HPSE2: variants seen among roughly 807,000 people sequenced by gnomAD.
The protein encoded by HPSE2 is inactive heparanase-2.
A neutral mutation model predicts 60.5 loss-of-function variants in HPSE2; 38 were observed. The ratio of observed to expected loss-of-function variants is 0.63; its 90% CI spans 0.48 to 0.82. The LOEUF is 0.82. Ranked by LOEUF, HPSE2 falls within the 40% of genes least tolerant of loss-of-function variation. The pLI is 0.00. For missense variants in HPSE2, 713 were observed against 740.4 expected (o/e 0.96, Z 0.43); for synonymous variants, 295 against 293.2 (o/e 1.01, Z -0.06).
chr10:98,844,922 C>T (rs1247507050), intron 3 of HPSE2, among the ~76,000 whole-genome samples: 4 of 152,166 alleles, frequency 2.6e-5, no homozygotes, highest in Non-Finnish European at 5.9e-5. Context: ...CAAGTGCGCT[C>T]TTCCATTAGC....
chr10:98,596,302 C>A (rs576302844), intron 9 of HPSE2, among the ~76,000 whole-genome samples: 1 of 151,086 alleles, frequency 6.6e-6, no homozygotes, highest in South Asian at 2.1e-4. Context: ...TGTGTATCCC[C>A]TAACAAATTA....
chr10:98,780,751 T>A (rs1280280152), intron 3 of HPSE2, among the ~76,000 whole-genome samples: 1 of 152,020 alleles, frequency 6.6e-6, no homozygotes, highest in African/African-American at 2.4e-5. Context: ...AATAAATAGA[T>A]CTTAAAACAG....
rs898269357 is a variant in HPSE2 at position 98,780,185 on chromosome 10, T to G, written c.611-36129A>C. Among the ~76,000 whole-genome samples the G allele has an allele frequency of 2.0e-4, 31 of 152,254 alleles. 1 individual carries two copies. The highest frequency in any genetic ancestry group is 7.2e-4 in the Admixed American group (11 of 15,278). On this transcript the variant is annotated intron_variant, in intron 3 of 11. Coordinates refer to ENST00000370552, the MANE Select transcript of HPSE2 (RefSeq NM_021828.5). ...CAAAGTGCTCAGAAAGCAGGTGATG[T>G]CTTCTTTCTGGTAAATTATGGGCAG... is the stretch of plus-strand genomic sequence containing the variant.
At chr10:98,906,870 C>T (rs1007753962) in intron 3 of HPSE2, among the ~76,000 whole-genome samples, 2 of 150,946 alleles carry the variant, frequency 1.3e-5, no homozygotes, top group African/African-American at 4.9e-5. Context: ...TGCCACTGCA[C>T]TCCAGCCTGG....
chr10:99,137,196 A>G (rs1225638045), intron 3 of HPSE2, among the ~76,000 whole-genome samples: 3 of 152,234 alleles, frequency 2.0e-5, no homozygotes, highest in Non-Finnish European at 2.9e-5. Context: ...GATGTGAAGT[A>G]CCTCTTCAAG....
intron 3 of HPSE2, among the ~76,000 whole-genome samples, chr10:98,773,114 A>G (rs550871124): frequency 1.3e-5 from 2 of 152,344 alleles, no homozygotes; most frequent in South Asian, 2.1e-4. Context: ...GCCTCCAACC[A>G]GCAGTCAAGG....
At chr10:99,252,240 C>G in the HPSE2 span, among the ~76,000 whole-genome samples, 7 of 151,988 alleles carry the variant, frequency 4.6e-5, no homozygotes, top group Non-Finnish European at 8.8e-5. Flanking sequence ...GGAAACATTC[C>G]CCTTGAGAAC....
chr10:98,753,411 G>T (rs181910813), intron 3 of HPSE2, among the ~76,000 whole-genome samples: 1 of 152,096 alleles, frequency 6.6e-6, no homozygotes, highest in Admixed American at 6.6e-5. Context: ...ATATCCAGAA[G>T]AACTGACAGT....
At chr10:98,795,663 G>A (rs1482850056) in intron 3 of HPSE2, among the ~76,000 whole-genome samples, 1 of 152,222 alleles carries the variant, frequency 6.6e-6, no homozygotes, top group East Asian at 1.9e-4. Context: ...AGTAGACTCA[G>A]GTGACATGTT....
chr10:99,053,013 T>G (rs1007165602), intron 3 of HPSE2, among the ~76,000 whole-genome samples: 1 of 145,598 alleles, frequency 6.9e-6, no homozygotes, highest in Admixed American at 7.1e-5. Context: ...TAACAGATGG[T>G]ATTTTCCATC....
intron 2 of HPSE2, among the ~76,000 whole-genome samples, chr10:99,229,750 T>C (rs1223229905): frequency 2.6e-5 from 4 of 152,206 alleles, no homozygotes; most frequent in African/African-American, 4.8e-5. Flanking sequence ...AAAATGTATG[T>C]TGTTATTCTG....
At chr10:99,260,213 C>G in the HPSE2 span, among the ~76,000 whole-genome samples, 1 of 150,064 alleles carries the variant, frequency 6.7e-6, no homozygotes, top group Non-Finnish European at 1.5e-5. Flanking sequence ...ACAGCAATCT[C>G]AAATATAGCA....
At chr10:98,885,545 T>C (rs910068041) in intron 3 of HPSE2, among the ~76,000 whole-genome samples, 1 of 152,056 alleles carries the variant, frequency 6.6e-6, no homozygotes, top group African/African-American at 2.4e-5. Flanking sequence ...TCTTAAGAAA[T>C]TGCCACAGCC....
At chr10:98,892,025 C>T (rs1774567056) in intron 3 of HPSE2, among the ~76,000 whole-genome samples, 1 of 152,162 alleles carries the variant, frequency 6.6e-6, no homozygotes, top group South Asian at 2.1e-4. Flanking sequence ...CCCACCTCAG[C>T]CTCCTAAAGT....
Position 98,597,970 on chromosome 10 carries a change from CAAAAAAAAAAAA to C in HPSE2, c.1320+16922_1320+16933del, listed in dbSNP as rs571184082. 1.2e-3 allele frequency among the ~76,000 whole-genome samples: 64 copies of C among 55,150 alleles called. 3 individuals are homozygous for C. Among genetic ancestry groups the C allele is most frequent in the Middle Eastern group, 0.016 (2 of 126 alleles). The allele number at this position is 55,150 out of a possible 152,430, so 36.2% of individuals were successfully genotyped here. ...TGGGTGACAGAGTGAGACTCCATCT[CAAAAAAAAAAAA>C]AAAAAAAAAAAAAAAATTGCTCTTT... On this transcript the variant is annotated intron_variant, in intron 9 of 11. Coordinates refer to ENST00000370552, the MANE Select transcript of HPSE2 (RefSeq NM_021828.5).
At chr10:98,864,889 A>G (rs1011327850) in intron 3 of HPSE2, among the ~76,000 whole-genome samples, 2 of 152,162 alleles carry the variant, frequency 1.3e-5, no homozygotes, top group Non-Finnish European at 2.9e-5. Context: ...AAGTCCAAGT[A>G]ATTTAAAGAA....
the HPSE2 span, among the ~76,000 whole-genome samples, chr10:99,243,650 T>A: frequency 2.7e-3 from 415 of 152,294 alleles, 5 homozygotes; most frequent in African/African-American, 9.4e-3. Context: ...TATATTTATC[T>A]CAATACATTT....
intron 6 of HPSE2, among the ~76,000 whole-genome samples, chr10:98,676,239 A>G (rs1422775744): frequency 6.6e-6 from 1 of 152,126 alleles, no homozygotes; most frequent in Admixed American, 6.6e-5. Flanking sequence ...AGTTTCTCAA[A>G]CTTTCCCTCC....
the HPSE2 span, among the ~76,000 whole-genome samples, chr10:99,285,349 T>A: frequency 1.3e-5 from 2 of 151,160 alleles, no homozygotes; most frequent in African/African-American, 2.4e-5. Flanking sequence ...GGAGGATCAC[T>A]TGAGCCTGGA....
Sources: gnomAD v4.1 joint callset for allele counts (sites outside exome capture counted in the v4.1 genomes callset) on GRCh38, gnomAD v4.1.1 for gene constraint, MANE v1.5 for transcripts, NCBI Gene and HGNC (gene_info 2026-07-23, HGNC 2026-07-21) for gene names.